FOXN3: variants seen among roughly 807,000 people sequenced by gnomAD.
The protein encoded by FOXN3 is forkhead box protein N3.
In FOXN3, 7 loss-of-function variants were observed where a neutral mutation model predicts 38.4. The observed-to-expected ratio is 0.18, with a 90% confidence interval of 0.10 to 0.34. FOXN3 has a LOEUF of 0.34. Ranked by LOEUF, FOXN3 falls within the 10% of genes least tolerant of loss-of-function variation. FOXN3 has a pLI of 1.00. For synonymous variants in FOXN3, 230 were observed against 242.2 expected (o/e 0.95, Z 0.47); for missense variants, 456 against 613.4 (o/e 0.74, Z 2.71).
intron 1 of FOXN3, among the ~76,000 whole-genome samples, chr14:89,608,011 C>T (rs1459658529): frequency 1.3e-5 from 2 of 150,314 alleles, no homozygotes; most frequent in South Asian, 2.1e-4. Context: ...CAGAGTCTCG[C>T]TCTGTCACCC....
In FOXN3 at chr14:89,288,742, ATATATATATATATATATATATATATATG is replaced by A. The variant is rs994538135; in HGVS notation, c.681-7756_681-7729del. Among the ~76,000 whole-genome samples the A allele has an allele frequency of 3.5e-4, 17 of 47,914 alleles. 1 individual carries two copies. The highest frequency in any genetic ancestry group is 1.2e-3 in the African/African-American group (17 of 14,590). 31.4% of individuals were successfully genotyped at this position (47,914 alleles called of 152,430 possible). ...TCTCTCTCTATATATATATATATAT[ATATATATATATATATATATATATATATG>A]CTTGCACTGGGTCCGTAAGCATTAT... On this transcript the variant is annotated intron_variant, in intron 3 of 5. Coordinates refer to ENST00000557258, the MANE Select transcript of FOXN3 (RefSeq NM_005197.4).
intron 1 of FOXN3, among the ~76,000 whole-genome samples, chr14:89,547,390 G>A (rs566735879): frequency 2.0e-5 from 3 of 152,240 alleles, no homozygotes; most frequent in African/African-American, 7.2e-5. Flanking sequence ...AAGTAGCTGG[G>A]GCTACAGGCA....
At chr14:89,594,912 T>C (rs1298027286) in intron 1 of FOXN3, among the ~76,000 whole-genome samples, 1 of 152,136 alleles carries the variant, frequency 6.6e-6, no homozygotes, top group Non-Finnish European at 1.5e-5. Context: ...ATTTTGTGTT[T>C]CCACATAAAT....
chr14:89,303,753 GT>G (rs898133808), intron 3 of FOXN3, among the ~76,000 whole-genome samples: 2 of 152,184 alleles, frequency 1.3e-5, no homozygotes, highest in Non-Finnish European at 2.9e-5. Flanking sequence ...CACTTCAAAA[GT>G]TTAATGGATG....
At chr14:89,441,390 C>A (rs191772507) in intron 1 of FOXN3, among the ~76,000 whole-genome samples, 272 of 152,288 alleles carry the variant, frequency 1.8e-3, no homozygotes, top group Admixed American at 3.7e-3. Context: ...ATTCACCTTA[C>A]GTTAAAAAGG....
At chr14:89,551,225 G>A (rs1421917658) in intron 1 of FOXN3, among the ~76,000 whole-genome samples, 1 of 152,212 alleles carries the variant, frequency 6.6e-6, no homozygotes, top group Non-Finnish European at 1.5e-5. Flanking sequence ...GTGAGGTGGA[G>A]GACAACATCC....
chr14:89,247,734 T>C (rs540012014), intron 4 of FOXN3, among the ~76,000 whole-genome samples: 1 of 152,290 alleles, frequency 6.6e-6, no homozygotes, highest in Admixed American at 6.5e-5. Context: ...AGAGTCATCT[T>C]TATAAAAAGT....
At chr14:89,384,983 T>C (rs1252089026) in intron 2 of FOXN3, among the ~76,000 whole-genome samples, 1 of 152,198 alleles carries the variant, frequency 6.6e-6, no homozygotes, top group Non-Finnish European at 1.5e-5. Context: ...CTGGAGATTA[T>C]GTCTCTCCCC....
chr14:89,332,913 G>A (rs1239096282), intron 3 of FOXN3, among the ~76,000 whole-genome samples: 1 of 151,996 alleles, frequency 6.6e-6, no homozygotes, highest in East Asian at 1.9e-4. Context: ...TTTAAAAATG[G>A]GTAAAGAACC....
intron 1 of FOXN3, among the ~76,000 whole-genome samples, chr14:89,459,157 A>C (rs2139724589): frequency 6.6e-6 from 1 of 151,956 alleles, no homozygotes; most frequent in Non-Finnish European, 1.5e-5. Flanking sequence ...TGAATCAGGA[A>C]AAAAAGAAGA....
At chr14:89,556,518 C>A (rs1300165162) in intron 1 of FOXN3, among the ~76,000 whole-genome samples, 1 of 152,068 alleles carries the variant, frequency 6.6e-6, no homozygotes, top group Non-Finnish European at 1.5e-5. Context: ...GAGGGACTAT[C>A]TGCATACCTA....
intron 1 of FOXN3, among the ~76,000 whole-genome samples, chr14:89,446,240 G>A (rs1892496373): frequency 7.5e-6 from 1 of 134,052 alleles, no homozygotes; most frequent in African/African-American, 2.9e-5. Flanking sequence ...CCATGCTGGA[G>A]TGCGAAGGCC....
intron 1 of FOXN3, among the ~76,000 whole-genome samples, chr14:89,536,609 C>T (rs552530356): frequency 2.7e-4 from 41 of 152,058 alleles, no homozygotes; most frequent in Middle Eastern, 3.4e-3. Flanking sequence ...ATGAAACCCC[C>T]GTCTCTACTA....
rs1777531578 is a variant in FOXN3, at chr14:89,298,472, T to TTAA, written c.681-17459_681-17458insTTA. 6.5e-5 allele frequency among the ~76,000 whole-genome samples: 8 copies of TTAA among 123,562 alleles called. 1 individual carries two copies. In the South Asian group the frequency reaches 2.2e-3, roughly 34 times the overall value. The allele number at this position is 123,562 out of a possible 152,430, so 81.1% of individuals were successfully genotyped here. On this transcript the variant is annotated intron_variant, in intron 3 of 5. Coordinates refer to ENST00000557258, the MANE Select transcript of FOXN3 (RefSeq NM_005197.4). ...GTGATAGAGGGAGACTCCGTCTATT[T>TTAA]AAAAAAAAAAAAAAAAAAAAGGCTG...
chr14:89,410,651 T>C lies in FOXN3; in HGVS notation c.543+1283A>G, dbSNP rs143501497. ...ACTTTGGGAGGCCGAGGTGGCTGAA[T>C]CACTTGAGCCCTGAAGTTTGAGACC... On this transcript the variant is annotated intron_variant, in intron 2 of 5. Transcript: ENST00000557258. 2.0e-5 allele frequency among the ~76,000 whole-genome samples: 3 copies of C among 152,234 alleles called. No individual in the cohort carries two copies. In the East Asian group the frequency reaches 5.8e-4, roughly 29 times the overall value.
At position 89,404,554 on chromosome 14, in the gene FOXN3, G is replaced by A. The variant is rs558649350; in HGVS notation, c.543+7380C>T. Among the ~76,000 whole-genome samples the A allele has an allele frequency of 6.0e-5, 9 of 150,524 alleles. No individual in the cohort carries two copies. In the South Asian group the frequency reaches 1.5e-3, roughly 25 times the overall value. On this transcript the variant is annotated intron_variant, in intron 2 of 5. Coordinates refer to ENST00000557258, the MANE Select transcript of FOXN3 (RefSeq NM_005197.4). ...AATCGGCAGGATGGGTCAGGGAGCT[G>A]CGCTTTCTTGGGATCACAGGATGCT...
At chr14:89,193,955 A>G (rs1413426368) in intron 4 of FOXN3, among the ~76,000 whole-genome samples, 1 of 152,200 alleles carries the variant, frequency 6.6e-6, no homozygotes, top group Non-Finnish European at 1.5e-5. Context: ...AACCTTGAGC[A>G]TCTTTTCATG....
chr14:89,335,903 A>G (rs939052105), intron 3 of FOXN3, among the ~76,000 whole-genome samples: 16 of 152,186 alleles, frequency 1.1e-4, no homozygotes, highest in African/African-American at 3.4e-4. Flanking sequence ...TTAGAAAGAT[A>G]GCTGAAGTAT....
intron 1 of FOXN3, among the ~76,000 whole-genome samples, chr14:89,483,731 T>C (rs1335759554): frequency 6.6e-6 from 1 of 152,178 alleles, no homozygotes; most frequent in Admixed American, 6.5e-5. Flanking sequence ...TACCCTGATA[T>C]ACTACTGCCT....
Sources: allele counts gnomAD v4.1 joint callset (sites outside exome capture counted in the v4.1 genomes callset), GRCh38; gene constraint gnomAD v4.1.1; transcripts MANE v1.5; gene names NCBI Gene and HGNC (gene_info 2026-07-23, HGNC 2026-07-21).